RIMS1: variants seen among roughly 807,000 people sequenced by gnomAD.
RIMS1 encodes the protein regulating synaptic membrane exocytosis 1.
In RIMS1, 83 loss-of-function variants were observed where a neutral mutation model predicts 214.1. The ratio of observed to expected loss-of-function variants is 0.39; its 90% CI spans 0.32 to 0.47. The LOEUF (loss-of-function observed/expected upper bound fraction) is 0.47. Among genes scored for constraint, RIMS1 ranks in the 20% least tolerant of loss-of-function variants. RIMS1 has a pLI of 0.99. For missense variants in RIMS1, 2,050 were observed against 2,161.8 expected, an observed-to-expected ratio of 0.95 and a Z score of 1.03; for synonymous variants, 793 against 786.8, an observed-to-expected ratio of 1.01 and a Z score of -0.13.
chr6:72,084,717 T>C (rs921726316), intron 2 of RIMS1, among the ~76,000 whole-genome samples: 1 of 152,138 alleles, frequency 6.6e-6, no homozygotes, highest in Admixed American at 6.6e-5. Context: ...AAAATGGAAT[T>C]AAAAATAAAT....
At chr6:72,025,379 G>A (rs960183007) in intron 2 of RIMS1, among the ~76,000 whole-genome samples, 1 of 152,228 alleles carries the variant, frequency 6.6e-6, no homozygotes, top group African/African-American at 2.4e-5. Flanking sequence ...ATAGGTGGAA[G>A]AGCTGAAATT....
At chr6:72,304,237 A>G (rs1301880986) in intron 26 of RIMS1, among the ~76,000 whole-genome samples, 1 of 151,748 alleles carries the variant, frequency 6.6e-6, no homozygotes, top group East Asian at 1.9e-4. Flanking sequence ...ATGTAATGCT[A>G]GGATTTGTGG....
intron 28 of RIMS1, among the ~76,000 whole-genome samples, chr6:72,327,301 C>T (rs1196650254): frequency 6.6e-6 from 1 of 151,626 alleles, no homozygotes; most frequent in Non-Finnish European, 1.5e-5. Flanking sequence ...GTGTTATTAC[C>T]ACCAGATCTC....
chr6:72,214,631 T>C (rs1288920545), intron 6 of RIMS1, among the ~76,000 whole-genome samples: 1 of 151,692 alleles, frequency 6.6e-6, no homozygotes, highest in Non-Finnish European at 1.5e-5. Context: ...TTTTTAAATC[T>C]CAAAACTCAA....
chr6:72,026,933 T>G (rs1275833058), intron 2 of RIMS1, among the ~76,000 whole-genome samples: 1 of 152,194 alleles, frequency 6.6e-6, no homozygotes, highest in East Asian at 1.9e-4. Context: ...ATTAGAAAAT[T>G]TGGAATGTAT....
chr6:72,140,209 C>G (rs975599025), intron 4 of RIMS1, among the ~76,000 whole-genome samples: 5 of 151,956 alleles, frequency 3.3e-5, no homozygotes, highest in African/African-American at 1.2e-4. Context: ...CTTGAACTGC[C>G]AACCTTTCTA....
chr6:72,335,982 G>A (rs977899956), intron 29 of RIMS1, among the ~76,000 whole-genome samples: 2 of 151,860 alleles, frequency 1.3e-5, no homozygotes, highest in Admixed American at 6.6e-5. Flanking sequence ...CCCTTTGTCA[G>A]ATGGATAGAT....
At chr6:72,206,827 G>A (rs1015126498) in intron 6 of RIMS1, among the ~76,000 whole-genome samples, 1 of 152,216 alleles carries the variant, frequency 6.6e-6, no homozygotes, top group African/African-American at 2.4e-5. Flanking sequence ...ACATTGCAGC[G>A]ACAGTAGCCT....
Position 71,887,046 on chromosome 6 carries a change from G to T in RIMS1, c.23G>T (p.Arg8Leu), listed in dbSNP as rs752886481. 1.2e-6 allele frequency: 2 copies of T among 1,613,374 alleles called. No individual in the cohort carries two copies. The highest frequency in any genetic ancestry group is 1.7e-6 in the Non-Finnish European group (2 of 1,179,668). Residue 8 changes from arginine (R) to leucine (L), a missense_variant, in exon 1 of 34, where the codon CGC becomes CTC. By Grantham distance (102) the Arg-to-Leu change is moderately radical. Coordinates refer to ENST00000521978, the MANE Select transcript of RIMS1 (RefSeq NM_014989.7). ...AAAATGTCCTCGGCCGTGGGGCCCC[G>T]CGGTCCTCGCCCACCCACGGTGCCT... MSSAVGPRGPRPPTVPPP... is the reference protein window; with the variant it reads MSSAVGPLGPRPPTVPPP...
intron 6 of RIMS1, among the ~76,000 whole-genome samples, chr6:72,216,249 T>A (rs2055953232): frequency 6.6e-6 from 1 of 152,210 alleles, no homozygotes; most frequent in African/African-American, 2.4e-5. Flanking sequence ...ATAATTATTC[T>A]GTGTCTCAGT....
chr6:72,030,595 A>G, intron 2 of RIMS1, among the ~76,000 whole-genome samples: 1 of 152,214 alleles, frequency 6.6e-6, no homozygotes, highest in Non-Finnish European at 1.5e-5. Context: ...TAAAAGATAC[A>G]CTACACAATT....
At chr6:72,330,542 T>A (rs1007410808) in intron 28 of RIMS1, among the ~76,000 whole-genome samples, 1 of 151,766 alleles carries the variant, frequency 6.6e-6, no homozygotes, top group Admixed American at 6.6e-5. Flanking sequence ...GTGCATGCTG[T>A]TATGAAATAT....
At chr6:72,083,413 T>C (rs1485526826) in intron 2 of RIMS1, among the ~76,000 whole-genome samples, 1 of 152,072 alleles carries the variant, frequency 6.6e-6, no homozygotes, top group Non-Finnish European at 1.5e-5. Context: ...GTTCCACCAG[T>C]GGTTGTATCT....
At chr6:72,078,916 C>G (rs1832586796) in intron 2 of RIMS1, among the ~76,000 whole-genome samples, 1 of 152,018 alleles carries the variant, frequency 6.6e-6, no homozygotes, top group African/African-American at 2.4e-5. Flanking sequence ...CACCCAAACA[C>G]TATACATACT....
At chr6:72,263,911 T>A (rs919119515) in intron 19 of RIMS1, 1 of 354,896 alleles carries the variant, frequency 2.8e-6, no homozygotes, top group Admixed American at 6.5e-5. Context: ...GAGATTTGCT[T>A]GAACCCAGGA....
intron 2 of RIMS1, among the ~76,000 whole-genome samples, chr6:72,033,822 A>G (rs1294099675): frequency 6.6e-6 from 1 of 152,064 alleles, no homozygotes; most frequent in East Asian, 1.9e-4. Context: ...ATTCCTTTCT[A>G]CTAGCGTAAC....
chr6:72,344,767 G>A (rs1264079363), intron 29 of RIMS1, among the ~76,000 whole-genome samples: 1 of 151,710 alleles, frequency 6.6e-6, no homozygotes, highest in Non-Finnish European at 1.5e-5. Context: ...ATCTTCTAAA[G>A]AGATGCCCTA....
At chr6:72,140,976 A>G (rs765496872) in intron 4 of RIMS1, among the ~76,000 whole-genome samples, 2 of 152,014 alleles carry the variant, frequency 1.3e-5, no homozygotes, top group Non-Finnish European at 2.9e-5. Context: ...GATGTTCTCT[A>G]TCCTTCCACA....
At chr6:72,097,789 G>T (rs992773832) in intron 3 of RIMS1, among the ~76,000 whole-genome samples, 1 of 152,076 alleles carries the variant, frequency 6.6e-6, no homozygotes, top group African/African-American at 2.4e-5. Context: ...ACCTACTCCT[G>T]TTATGCCAGT....
Sources: gnomAD v4.1 joint callset for allele counts (sites outside exome capture counted in the v4.1 genomes callset) on GRCh38, gnomAD v4.1.1 for gene constraint, MANE v1.5 for transcripts, NCBI Gene and HGNC (gene_info 2026-07-23, HGNC 2026-07-21) for gene names.